TMEM225B: variants seen among roughly 807,000 people sequenced by gnomAD.
The protein encoded by TMEM225B is transmembrane protein 225B, also known as transmembrane protein 225-like.
Under a neutral mutation model 16.9 loss-of-function variants are expected in TMEM225B, and 10 were observed. The observed-to-expected ratio is 0.59, with a 90% confidence interval of 0.36 to 1.00. The LOEUF (loss-of-function observed/expected upper bound fraction) is 1.00, where lower values mean the gene tolerates loss of function less well. TMEM225B is among the 50% of genes least tolerant of loss of function. TMEM225B has a pLI of 0.01. For synonymous variants in TMEM225B, 92 were observed against 109.8 expected (o/e 0.84, Z 1.01); for missense variants, 217 against 267.0 (o/e 0.81, Z 1.30).
chr7:99,605,967 T>C (rs73405288), intron 3 of TMEM225B, among the ~76,000 whole-genome samples: 1,675 of 152,304 alleles, frequency 0.011, 34 homozygotes, highest in African/African-American at 0.038. Flanking sequence ...TCACAAAGTT[T>C]TGATTTTCCA....
At chr7:99,608,839 GTATA>G (rs72285430) in intron 5 of TMEM225B, among the ~76,000 whole-genome samples, 57 of 132,392 alleles carry the variant, frequency 4.3e-4, no homozygotes, top group African/African-American at 8.3e-4. Context: ...GTGTGTGCAC[GTATA>G]TATATATATA....
At chr7:99,607,019 A>G (rs1358754363) in intron 4 of TMEM225B, 125 bp downstream of exon 4, 5 of 1,063,144 alleles carry the variant, frequency 4.7e-6, no homozygotes, top group Non-Finnish European at 6.7e-6. Context: ...ACAGGGTCTC[A>G]CTCTGTTACC....
rs536627768 is a variant in TMEM225B at position 99,608,858 on chromosome 7, T to TATATATATATATATATAC, written c.493+1049_493+1050insTATATATATATATATACA. ...GTGCACGTATATATATATATATATA[T>TATATATATATATATATAC]ACACACACACATATATGTGTATATA... On this transcript the variant is annotated intron_variant, in intron 5 of 5. Transcript: ENST00000431679. Among the ~76,000 whole-genome samples the TATATATATATATATATAC allele has an allele frequency of 1.3e-3, 183 of 144,418 alleles. 2 individuals carry two copies. The highest frequency in any genetic ancestry group is 4.9e-3 in the Admixed American group (72 of 14,828). 94.7% of individuals were successfully genotyped at this position (144,418 alleles called of 152,430 possible).
chr7:99,599,353 G>A (rs926182507), intron 1 of TMEM225B, among the ~76,000 whole-genome samples: 2 of 152,032 alleles, frequency 1.3e-5, no homozygotes, highest in Non-Finnish European at 1.5e-5. Context: ...GGAGGTAAAG[G>A]TGGGAGGATC....
Position 99,610,755 on chromosome 7 carries a change from T to C in TMEM225B, c.*190T>C. On this transcript the variant is annotated 3_prime_UTR_variant, in exon 6 of 6. Transcript: ENST00000431679. ...TGTATGTGAAATTTGCTAAAAGTCC[T>C]TTCAACTCTTCTGAGCTTCCTAAGT... is the stretch of plus-strand genomic sequence containing the variant. The C allele has an allele frequency of 4.1e-6, 2 of 488,284 alleles. No individual in the cohort carries two copies. The allele number at this position is 488,284 out of a possible 1,614,324, so 30.2% of individuals were successfully genotyped here.
At chr7:99,608,689 G>T (rs1806029815) in intron 5 of TMEM225B, among the ~76,000 whole-genome samples, 1 of 144,450 alleles carries the variant, frequency 6.9e-6, no homozygotes, top group African/African-American at 2.6e-5. Context: ...ACAGGCATGT[G>T]CCACCATGGC....
intron 2 of TMEM225B, 132 bp from the exon 3 acceptor site, chr7:99,604,251 AATC>A (rs1272890501): frequency 3.1e-6 from 2 of 638,868 alleles, no homozygotes; most frequent in Non-Finnish European, 5.5e-6. Context: ...TAAGCAAAGA[AATC>A]ATCATTTACT....
rs865899096 is a variant in TMEM225B at position 99,606,626 on chromosome 7, C to G, written c.209-122C>G. 8.2e-6 allele frequency: 7 copies of G among 854,926 alleles called. No homozygotes were observed. In the African/African-American group the frequency reaches 1.2e-4, roughly 15 times the overall value. The allele number at this position is 854,926 out of a possible 1,614,324, so 53.0% of individuals were successfully genotyped here. The stretch of plus-strand genomic sequence containing the variant: ...CATGGTCACAACCTTGGTCCCAAGG[C>G]CATGCTTTGGGATCTAAGGGTGGTG... On this transcript the variant is annotated intron_variant, in intron 3 of 5. Coordinates refer to ENST00000431679, the MANE Select transcript of TMEM225B (RefSeq NM_001195541.3).
intron 3 of TMEM225B, among the ~76,000 whole-genome samples, chr7:99,605,983 G>T (rs968039275): frequency 6.6e-6 from 1 of 152,188 alleles, no homozygotes; most frequent in African/African-American, 2.4e-5. Context: ...TTCCACAGGC[G>T]AATTACTTCA....
chr7:99,610,372 C>T (rs1806244774), intron 5 of TMEM225B, 21 bp from the exon 6 acceptor site: 1 of 1,533,046 alleles, frequency 6.5e-7, no homozygotes, highest in Admixed American at 2.0e-5. Flanking sequence ...TGACCTGACC[C>T]AAACGTTGGC....
chr7:99,602,806 G>A (rs1239673628), intron 2 of TMEM225B, among the ~76,000 whole-genome samples: 1 of 152,084 alleles, frequency 6.6e-6, no homozygotes, highest in Non-Finnish European at 1.5e-5. Flanking sequence ...TCTAACTCCT[G>A]GGCTCAAGAG....
chr7:99,598,165 C>CG (rs1804994962), upstream of TMEM225B: 1 of 152,310 alleles, frequency 6.6e-6, no homozygotes, highest in African/African-American at 2.4e-5. Context: ...GGTGAGCCCG[C>CG]GTCTCCTCCG....
chr7:99,601,431 A>C (rs1805351710), intron 2 of TMEM225B, among the ~76,000 whole-genome samples: 1 of 152,218 alleles, frequency 6.6e-6, no homozygotes. Flanking sequence ...TGTCTCTACA[A>C]AAAATTAAAA....
rs2151192598 is a variant in TMEM225B, at chr7:99,600,301, A to T, written c.-4+16A>T. On this transcript the variant is annotated intron_variant, in intron 2 of 5. Transcript: ENST00000431679. Reference sequence around the variant, plus strand: ...GGGGCGACCTGTAAGTGCACAGTGAATTTTTGCTGAGGGAGTGGCTGGGAG... The same window carrying T: ...GGGGCGACCTGTAAGTGCACAGTGATTTTTTGCTGAGGGAGTGGCTGGGAG... The T allele has an allele frequency of 1.4e-6, 1 of 702,788 alleles. No individual in the cohort carries two copies. Among genetic ancestry groups the T allele is most frequent in the African/African-American group, 1.7e-5 (1 of 57,308 alleles). The allele number at this position is 702,788 out of a possible 1,614,324, so 43.5% of individuals were successfully genotyped here. A position where few individuals can be genotyped will look rare whatever the true frequency, so the allele number is the denominator to read the frequency against.
Position 99,608,839 on chromosome 7 carries a change from G to GTATATATATATATATATATA in TMEM225B, c.493+1030_493+1049dup, listed in dbSNP as rs72285430. 7.0e-3 allele frequency among the ~76,000 whole-genome samples: 925 copies of GTATATATATATATATATATA among 132,428 alleles called. 6 individuals carry two copies. The highest frequency in any genetic ancestry group is 0.012 in the Admixed American group (162 of 13,250). 86.9% of individuals were successfully genotyped at this position (132,428 alleles called of 152,430 possible). Reference sequence around the variant, plus strand: ...CATACATATATGTGTGTGTGTGCACGTATATATATATATATATATACACAC... The same window carrying GTATATATATATATATATATA: ...CATACATATATGTGTGTGTGTGCACGTATATATATATATATATATATATATATATATATATATATACACAC... On this transcript the variant is annotated intron_variant, in intron 5 of 5. Transcript: ENST00000431679.
rs965202511 is a variant in TMEM225B, at chr7:99,606,877, G to A, written c.338G>A (p.Cys113Tyr). The change falls in exon 4 of 6, where the codon TGC becomes TAC. Residue 113 changes from cysteine (C) to tyrosine (Y), a missense_variant. By Grantham distance (194) the Cys-to-Tyr change is radical (BLOSUM62 -2). Transcript: ENST00000431679. ...TGGAAGCAAAACTTTGTGTTAGCCT[G>A]CATCAGCTTCTTCACAGGTGTGGAA... is the stretch of plus-strand genomic sequence containing the variant. ...RTWKQNFVLACISFFTGACAF... is the reference protein window; with the variant it reads ...RTWKQNFVLAYISFFTGACAF... 1.4e-5 allele frequency: 21 copies of A among 1,536,040 alleles called. No individual in the cohort carries two copies. The highest frequency in any genetic ancestry group is 5.9e-5 in the Admixed American group (3 of 50,974).
intron 1 of TMEM225B, among the ~76,000 whole-genome samples, chr7:99,599,319 C>G (rs1805142251): frequency 6.6e-6 from 1 of 152,054 alleles, no homozygotes; most frequent in African/African-American, 2.4e-5. Context: ...CGTGGGGCCT[C>G]ATGCCTGTAA....
chr7:99,603,693 T>TAA (rs770224583), intron 2 of TMEM225B, among the ~76,000 whole-genome samples: 2 of 138,134 alleles, frequency 1.4e-5, no homozygotes, highest in Admixed American at 7.3e-5. Flanking sequence ...GACTCCATCT[T>TAA]AAAAAAAAAA....
intron 2 of TMEM225B, among the ~76,000 whole-genome samples, chr7:99,603,490 G>A (rs149045889): frequency 6.6e-6 from 1 of 152,196 alleles, no homozygotes. Context: ...TCAGGAGTTC[G>A]AGACCAGCCT....
Sources: allele counts gnomAD v4.1 joint callset (sites outside exome capture counted in the v4.1 genomes callset), GRCh38; gene constraint gnomAD v4.1.1; transcripts MANE v1.5; gene names NCBI Gene and HGNC (gene_info 2026-07-23, HGNC 2026-07-21).